The following PRELID2 variants were observed in gnomAD, a reference collection of about 807,000 sequenced individuals.
PRELID2 encodes the protein PRELI domain-containing protein 2.
A neutral mutation model predicts 28.4 loss-of-function variants in PRELID2; 25 were observed. The ratio of observed to expected loss-of-function variants is 0.88; its 90% CI spans 0.64 to 1.23. The LOEUF (loss-of-function observed/expected upper bound fraction) is 1.23, where lower values mean the gene tolerates loss of function less well. Among genes scored for constraint, PRELID2 ranks in the 50% most tolerant of loss-of-function variants. PRELID2 has a pLI of 0.00. For synonymous variants in PRELID2, 76 were observed against 71.6 expected, an observed-to-expected ratio of 1.06 and a Z score of -0.31; for missense variants, 201 against 214.4, an observed-to-expected ratio of 0.94 and a Z score of 0.39.
chr5:145,620,356 A>G (rs1753757201), intron 1 of PRELID2, among the ~76,000 whole-genome samples: 1 of 152,232 alleles, frequency 6.6e-6, no homozygotes, highest in Non-Finnish European at 1.5e-5. Flanking sequence ...AGCCTACAGA[A>G]TGTGCAACAC....
the PRELID2 span, among the ~76,000 whole-genome samples, chr5:145,270,750 T>C: frequency 0.014 from 2,105 of 152,294 alleles, 44 homozygotes; most frequent in African/African-American, 0.047. Flanking sequence ...GAATGTGTTA[T>C]GTAGAACTGT....
chr5:145,243,292 G>A, the PRELID2 span, among the ~76,000 whole-genome samples: 16 of 151,924 alleles, frequency 1.1e-4, no homozygotes, highest in African/African-American at 3.4e-4. Context: ...ATCAGTAAGC[G>A]TGCCAGCAGA....
the PRELID2 span, among the ~76,000 whole-genome samples, chr5:145,284,798 ATTTTCTTAACTAAGAGTAGAGGTT>A: frequency 6.6e-6 from 1 of 152,112 alleles, no homozygotes; most frequent in Admixed American, 6.6e-5. Flanking sequence ...ATATCAAGGA[ATTTTCTTAACTAAGAGTAGAGGTT>A]TTATCTAAAC....
intron 1 of PRELID2, among the ~76,000 whole-genome samples, chr5:145,604,589 A>G (rs1753468794): frequency 6.6e-6 from 1 of 151,896 alleles, no homozygotes; most frequent in Non-Finnish European, 1.5e-5. Flanking sequence ...TCCTTTAGGT[A>G]TATTCACAGT....
chr5:145,674,943 A>G (rs977649132), intron 1 of PRELID2, among the ~76,000 whole-genome samples: 1 of 152,158 alleles, frequency 6.6e-6, no homozygotes, highest in African/African-American at 2.4e-5. Flanking sequence ...TCAAAAAAAA[A>G]AAAGATACAA....
intron 1 of PRELID2, chr5:145,729,339 C>G: frequency 2.5e-6 from 2 of 797,196 alleles, no homozygotes; most frequent in Non-Finnish European, 4.1e-6. Flanking sequence ...ACATTTAGCC[C>G]ATATCATGCC....
intron 1 of PRELID2, among the ~76,000 whole-genome samples, chr5:145,683,178 T>A (rs1754971527): frequency 6.6e-6 from 1 of 152,144 alleles, no homozygotes; most frequent in African/African-American, 2.4e-5. Flanking sequence ...TGTCCTTTAC[T>A]AGCTCTGTGA....
intron 1 of PRELID2, among the ~76,000 whole-genome samples, chr5:145,743,264 C>A (rs1756887080): frequency 6.6e-6 from 1 of 151,684 alleles, no homozygotes; most frequent in African/African-American, 2.4e-5. Flanking sequence ...CAAAAAATTA[C>A]CCAGGCATGA....
At chr5:145,469,356 A>T (rs1580948767), downstream of PRELID2, among the ~76,000 whole-genome samples, 1 of 152,154 alleles carries the variant, frequency 6.6e-6, no homozygotes, top group African/African-American at 2.4e-5. Flanking sequence ...GAGGCGTGTC[A>T]AAAGTAAAAA....
chr5:145,750,696 A>G (rs1436323189), intron 1 of PRELID2, among the ~76,000 whole-genome samples: 3 of 152,238 alleles, frequency 2.0e-5, no homozygotes, highest in Non-Finnish European at 4.4e-5. Flanking sequence ...AAAAAAGGTT[A>G]TTCCTGCTGG....
chr5:145,805,747 A>G (rs1187565924), intron 4 of PRELID2, among the ~76,000 whole-genome samples: 1 of 152,202 alleles, frequency 6.6e-6, no homozygotes, highest in African/African-American at 2.4e-5. Flanking sequence ...TACTTGCATA[A>G]ACCTAGATGG....
intron 1 of PRELID2, among the ~76,000 whole-genome samples, chr5:145,518,177 A>ATG (rs1752534697): frequency 1.5e-5 from 2 of 137,764 alleles, no homozygotes; most frequent in Admixed American, 7.2e-5. Context: ...TAATAATAAT[A>ATG]ATGATGTCAT....
chr5:145,528,690 T>TACAC (rs34302691), intron 1 of PRELID2, among the ~76,000 whole-genome samples: 562 of 129,746 alleles, frequency 4.3e-3, no homozygotes, highest in Admixed American at 8.6e-3. Context: ...CATTCTAAAC[T>TACAC]ACACACACAC....
chr5:145,287,883 G>A, the PRELID2 span, among the ~76,000 whole-genome samples: 517 of 152,192 alleles, frequency 3.4e-3, 1 homozygote, highest in African/African-American at 0.012. Context: ...CTATTTCTCA[G>A]ACTTACCTTG....
chr5:145,499,698 G>T (rs1321952046), intron 1 of PRELID2, among the ~76,000 whole-genome samples: 1 of 152,178 alleles, frequency 6.6e-6, no homozygotes, highest in Non-Finnish European at 1.5e-5. Context: ...AGATGCAAGG[G>T]ATCATCAAGT....
chr5:145,536,886 A>C (rs1475632506), intron 1 of PRELID2, among the ~76,000 whole-genome samples: 5 of 151,856 alleles, frequency 3.3e-5, no homozygotes, highest in Non-Finnish European at 7.4e-5. Context: ...TCCTGAGCAC[A>C]TTCACAGGAA....
intron 1 of PRELID2, among the ~76,000 whole-genome samples, chr5:145,734,325 T>G (rs757599125): frequency 3.3e-5 from 5 of 152,180 alleles, no homozygotes; most frequent in Admixed American, 6.5e-5. Flanking sequence ...CAGACTCCAG[T>G]ACTTTGGTAA....
chr5:145,418,149 GA>G, the PRELID2 span, among the ~76,000 whole-genome samples: 7 of 149,940 alleles, frequency 4.7e-5, no homozygotes, highest in East Asian at 1.9e-4. Context: ...AATTGCTACA[GA>G]AAAAAAAATA....
the PRELID2 span, among the ~76,000 whole-genome samples, chr5:145,354,433 A>G: frequency 6.6e-6 from 1 of 152,162 alleles, no homozygotes; most frequent in African/African-American, 2.4e-5. Flanking sequence ...AAGATGGGAA[A>G]AGAAGAGGAT....
Sources: gnomAD v4.1 joint callset for allele counts (sites outside exome capture counted in the v4.1 genomes callset) on GRCh38, gnomAD v4.1.1 for gene constraint, MANE v1.5 for transcripts, NCBI Gene and HGNC (gene_info 2026-07-23, HGNC 2026-07-21) for gene names.